RFTN1: variants seen among roughly 807,000 people sequenced by gnomAD.
The protein encoded by RFTN1 is raftlin, lipid raft linker 1, also known as raftlin.
Under a neutral mutation model 46.5 loss-of-function variants are expected in RFTN1, and 26 were observed. The observed-to-expected ratio is 0.56, with a 90% CI of 0.41 to 0.78. The LOEUF is 0.78. Among genes scored for constraint, RFTN1 ranks in the 30% least tolerant of loss-of-function variants. RFTN1 has a pLI of 0.00. For synonymous variants in RFTN1, 261 were observed against 284.2 expected, an observed-to-expected ratio of 0.92 and a Z score of 0.82; for missense variants, 693 against 718.7, an observed-to-expected ratio of 0.96 and a Z score of 0.41.
intron 4 of RFTN1, among the ~76,000 whole-genome samples, chr3:16,390,287 C>T (rs181524431): frequency 1.1e-4 from 16 of 152,294 alleles, no homozygotes; most frequent in Admixed American, 3.3e-4. Flanking sequence ...AGTGTAAAAT[C>T]TAAATCCTTT....
At chr3:16,470,620 G>A (rs971204392) in intron 2 of RFTN1, among the ~76,000 whole-genome samples, 7 of 152,172 alleles carry the variant, frequency 4.6e-5, no homozygotes, top group African/African-American at 1.7e-4. Context: ...GCATGCACGA[G>A]GTACTCCCTA....
At chr3:16,496,583 A>G (rs1022589166) in intron 1 of RFTN1, among the ~76,000 whole-genome samples, 35 of 152,254 alleles carry the variant, frequency 2.3e-4, no homozygotes, top group African/African-American at 8.2e-4. Flanking sequence ...GATAATACCA[A>G]ATGTTGGCAA....
At position 16,451,205 on chromosome 3, in the gene RFTN1, G is replaced by A. The variant is rs1264758870; in HGVS notation, c.146-17168C>T. On this transcript the variant is annotated intron_variant, in intron 2 of 9. Transcript: ENST00000334133. This position sits in a 1 kb window ranked among gnomAD's most constrained non-coding sequence, Gnocchi z 4.2. ...TGCAAAGGAGGCAGAGGAGCAGCCCGAGAGACAAGAAGCAAAGCAGAAGAG... is the reference window on the plus strand; with the variant it reads ...TGCAAAGGAGGCAGAGGAGCAGCCCAAGAGACAAGAAGCAAAGCAGAAGAG... Among the ~76,000 whole-genome samples the A allele has an allele frequency of 1.3e-5, 2 of 152,172 alleles. No individual in the cohort carries two copies. The highest frequency in any genetic ancestry group is 2.9e-5 in the Non-Finnish European group (2 of 68,032).
intron 2 of RFTN1, among the ~76,000 whole-genome samples, chr3:16,439,910 C>A (rs1559348470): frequency 6.6e-6 from 1 of 152,150 alleles, no homozygotes; most frequent in Admixed American, 6.5e-5. Context: ...TGATGGGTCT[C>A]CTTCACCCTA....
chr3:16,360,287 A>G (rs958693558), intron 6 of RFTN1, among the ~76,000 whole-genome samples: 1 of 151,662 alleles, frequency 6.6e-6, no homozygotes, highest in African/African-American at 2.4e-5. Flanking sequence ...TCCTCCCACC[A>G]CAGCCTCCCG....
At position 16,380,779 on chromosome 3, in the gene RFTN1, T is replaced by G. The variant is rs1371671270; in HGVS notation, c.442-2677A>C. ...TCTAGAATACACATTTCATGAGGGC[T>G]GGGGTAGTTTGCACTGCTGCATCCC... is the stretch of plus-strand genomic sequence containing the variant. On this transcript the variant is annotated intron_variant, in intron 4 of 9. Transcript: ENST00000334133. This position sits in a 1 kb window ranked among gnomAD's most constrained non-coding sequence, Gnocchi z 4.8. Among the ~76,000 whole-genome samples the G allele has an allele frequency of 6.6e-6, 1 of 152,224 alleles. No homozygotes were observed. The highest frequency in any genetic ancestry group is 6.5e-5 in the Admixed American group (1 of 15,276).
chr3:16,366,055 AGGACAGGAGT>A (rs2073148161), intron 6 of RFTN1, among the ~76,000 whole-genome samples: 1 of 146,188 alleles, frequency 6.8e-6, no homozygotes, highest in Admixed American at 6.8e-5. Context: ...ATGAGGAACG[AGGACAGGAGT>A]GGGCAGGGGT....
rs746923366 is a variant in RFTN1 at position 16,426,131 on chromosome 3, G to C, written c.332+7720C>G. Among the ~76,000 whole-genome samples, 2 of 152,128 alleles carry C rather than the reference G, an allele frequency of 1.3e-5. No homozygotes were observed. The highest frequency in any genetic ancestry group is 2.4e-5 in the African/African-American group (1 of 41,428). On this transcript the variant is annotated intron_variant, in intron 3 of 9. Coordinates refer to ENST00000334133, the MANE Select transcript of RFTN1 (RefSeq NM_015150.2). The surrounding 1 kb of genome is among the most constrained non-coding windows in gnomAD (Gnocchi z 5.9). ...CTGCAGTTTCCCATCACAGTAGCAC[G>C]CATCAATCAGTGCTAAACCCACCGT...
rs1373015558 is a variant in RFTN1, at chr3:16,376,107, A to G, written c.826+1611T>C. ...TCTGAAAGCTACTGAGGAAACCTCA[A>G]TAGTAACTGCCTCCTTTCTCAAAGC... On this transcript the variant is annotated intron_variant, in intron 5 of 9. Transcript: ENST00000334133. The surrounding 1 kb of genome is among the most constrained non-coding windows in gnomAD (Gnocchi z 4.7). 6.6e-6 allele frequency among the ~76,000 whole-genome samples: 1 copy of G among 152,202 alleles called. No homozygotes were observed. The highest frequency in any genetic ancestry group is 1.5e-5 in the Non-Finnish European group (1 of 68,022).
chr3:16,468,108 A>T lies in RFTN1; in HGVS notation c.145+25617T>A, dbSNP rs1219033263. 6.6e-6 allele frequency among the ~76,000 whole-genome samples: 1 copy of T among 152,210 alleles called. No homozygotes were observed. The highest frequency in any genetic ancestry group is 2.4e-5 in the African/African-American group (1 of 41,460). On this transcript the variant is annotated intron_variant, in intron 2 of 9. Coordinates refer to ENST00000334133, the MANE Select transcript of RFTN1 (RefSeq NM_015150.2). This position sits in a 1 kb window ranked among gnomAD's most constrained non-coding sequence, Gnocchi z 4.4. ...AAAACATAGAAACATCAATATGGAG[A>T]CTGCAGACCCCAGAATGATAACAGG...
Position 16,433,194 on chromosome 3 carries a change from TAATA to T in RFTN1, c.332+653_332+656del. 6.8e-6 allele frequency among the ~76,000 whole-genome samples: 1 copy of T among 146,118 alleles called. No homozygotes were observed. The highest frequency in any genetic ancestry group is 2.6e-5 in the African/African-American group (1 of 38,890). On this transcript the variant is annotated intron_variant, in intron 3 of 9. Transcript: ENST00000334133. This position sits in a 1 kb window ranked among gnomAD's most constrained non-coding sequence, Gnocchi z 4.4. Reference sequence around the variant, plus strand: ...CACTGTTTTTTTTTTTTAAAAAAATTAATATTGTTCCTTTTGAAAGACTAACCCC... The same window carrying T: ...CACTGTTTTTTTTTTTTAAAAAAATTTTGTTCCTTTTGAAAGACTAACCCC...
chr3:16,463,777 A>G (rs923069769), intron 2 of RFTN1, among the ~76,000 whole-genome samples: 2 of 152,226 alleles, frequency 1.3e-5, no homozygotes, highest in African/African-American at 4.8e-5. Flanking sequence ...TAGAAAGTTG[A>G]AAAGATTTCT....
At position 16,384,470 on chromosome 3, in the gene RFTN1, A is replaced by G. The variant is rs1477724320; in HGVS notation, c.442-6368T>C. 6.6e-6 allele frequency among the ~76,000 whole-genome samples: 1 copy of G among 152,226 alleles called. No homozygotes were observed. Among genetic ancestry groups the G allele is most frequent in the Non-Finnish European group, 1.5e-5 (1 of 68,038 alleles). ...TCATCTGGTATCGATTCCAGGTCCT[A>G]CGTGAGAGGCTGAAGTGTGGCAGGG... On this transcript the variant is annotated intron_variant, in intron 4 of 9. Coordinates refer to ENST00000334133, the MANE Select transcript of RFTN1 (RefSeq NM_015150.2). The surrounding 1 kb of genome is among the most constrained non-coding windows in gnomAD (Gnocchi z 4.7).
chr3:16,388,769 T>C (rs1172736608), intron 4 of RFTN1, among the ~76,000 whole-genome samples: 2 of 152,216 alleles, frequency 1.3e-5, no homozygotes, highest in Non-Finnish European at 2.9e-5. Flanking sequence ...CCCATGGGCC[T>C]TGTTTCACAA....
intron 4 of RFTN1, among the ~76,000 whole-genome samples, chr3:16,392,255 A>C (rs1432200176): frequency 1.3e-5 from 2 of 152,212 alleles, no homozygotes; most frequent in Non-Finnish European, 2.9e-5. Flanking sequence ...GATTTTACAT[A>C]ATCACAAGCA....
rs565887542 is a variant in RFTN1 at position 16,377,890 on chromosome 3, G to T, written c.654C>A (p.Asn218Lys). 1.9e-6 allele frequency: 3 copies of T among 1,614,066 alleles called. No individual in the cohort carries two copies. The highest frequency in any genetic ancestry group is 1.3e-5 in the African/African-American group (1 of 74,928). The change falls in exon 5 of 10, where the codon AAC (asparagine) becomes AAA (lysine). Residue 218 changes from asparagine to lysine, a missense_variant. Physicochemically the swap from Asn to Lys is moderately conservative, Grantham distance 94 (BLOSUM62 0). Coordinates refer to ENST00000334133, the MANE Select transcript of RFTN1 (RefSeq NM_015150.2). ...GDVCSAPAGR[N>K]QSPEPSSGPR... is the part of the protein sequence containing the mutation. ...GGCCTGAGCTGGGCTCTGGGCTTTGGTTTCTCCCAGCCGGAGCACTGCACA... is the reference window on the plus strand; with the variant it reads ...GGCCTGAGCTGGGCTCTGGGCTTTGTTTTCTCCCAGCCGGAGCACTGCACA...
intron 2 of RFTN1, among the ~76,000 whole-genome samples, chr3:16,488,324 C>T (rs1051791598): frequency 6.6e-6 from 1 of 152,122 alleles, no homozygotes; most frequent in African/African-American, 2.4e-5. Context: ...GTCTCGAACT[C>T]CTGACCTCAG....
chr3:16,483,293 C>T lies in RFTN1; in HGVS notation c.145+10432G>A, dbSNP rs1218855928. Among the ~76,000 whole-genome samples, 4 of 152,248 alleles carry T rather than the reference C, an allele frequency of 2.6e-5. No homozygotes were observed. Among genetic ancestry groups the T allele is most frequent in the South Asian group, 4.2e-4 (2 of 4,812 alleles). The stretch of plus-strand genomic sequence containing the variant: ...CTGTAATGCAAATAAGTACTCATCC[C>T]CTCCAATTCTCTTCCTTCCTTTCCC... On this transcript the variant is annotated intron_variant, in intron 2 of 9. Coordinates refer to ENST00000334133, the MANE Select transcript of RFTN1 (RefSeq NM_015150.2). The surrounding 1 kb of genome is among the most constrained non-coding windows in gnomAD (Gnocchi z 4.8).
rs981416912 is a variant in RFTN1, at chr3:16,380,808, T to C, written c.442-2706A>G. ...GTAGTTTGCACTGCTGCATCCCCAG[T>C]AATAGAATGATGTCTGACATATAGC... is the stretch of plus-strand genomic sequence containing the variant. On this transcript the variant is annotated intron_variant, in intron 4 of 9. Coordinates refer to ENST00000334133, the MANE Select transcript of RFTN1 (RefSeq NM_015150.2). The surrounding 1 kb of genome is among the most constrained non-coding windows in gnomAD (Gnocchi z 4.8). 2.6e-5 allele frequency among the ~76,000 whole-genome samples: 4 copies of C among 152,208 alleles called. No individual in the cohort carries two copies. Among genetic ancestry groups the C allele is most frequent in the African/African-American group, 9.6e-5 (4 of 41,460 alleles).
Sources: allele counts gnomAD v4.1 joint callset (sites outside exome capture counted in the v4.1 genomes callset), GRCh38; gene constraint gnomAD v4.1.1; non-coding constraint Gnocchi (gnomAD v3.1); transcripts MANE v1.5; gene names NCBI Gene and HGNC (gene_info 2026-07-23, HGNC 2026-07-21).